The following PLCD4 variants were observed in gnomAD, a reference collection of about 807,000 sequenced individuals.
PLCD4 encodes the protein 1-phosphatidylinositol 4,5-bisphosphate phosphodiesterase delta-4.
PLCD4 carries 63 observed loss-of-function variants against 90.2 expected under a neutral mutation model. The observed-to-expected ratio is 0.70, with a 90% confidence interval of 0.57 to 0.86. The LOEUF is 0.86. PLCD4 is among the 40% of genes least tolerant of loss of function. The probability of loss-of-function intolerance (pLI) is 0.00; values close to 1 mark genes in which losing one functional copy is unlikely to be tolerated. For synonymous variants in PLCD4, 294 were observed against 356.5 expected, an observed-to-expected ratio of 0.82 and a Z score of 1.97; for missense variants, 830 against 956.3, an observed-to-expected ratio of 0.87 and a Z score of 1.74.
chr2:218,621,676 C>G (rs1185755999), intron 5 of PLCD4, 77 bp downstream of exon 5: 4 of 1,544,706 alleles, frequency 2.6e-6, no homozygotes, highest in Non-Finnish European at 3.6e-6. Flanking sequence ...TGACCCCAGT[C>G]CACAACACTC....
chr2:218,612,414 T>C (rs910396018), intron 1 of PLCD4, among the ~76,000 whole-genome samples: 1 of 152,216 alleles, frequency 6.6e-6, no homozygotes, highest in African/African-American at 2.4e-5. Context: ...TGAAATTGTT[T>C]CCTGACAGAC....
chr2:218,625,041 G>A (rs1043775966), intron 6 of PLCD4, among the ~76,000 whole-genome samples: 1 of 88,230 alleles, frequency 1.1e-5, no homozygotes, highest in Non-Finnish European at 2.4e-5. Context: ...GAACCTGGGA[G>A]GCAGAGGTTG....
chr2:218,614,906 A>C (rs1695509703), intron 1 of PLCD4, among the ~76,000 whole-genome samples: 1 of 152,218 alleles, frequency 6.6e-6, no homozygotes, highest in South Asian at 2.1e-4. Context: ...TGAAGGTAGA[A>C]GAAGACAACT....
chr2:218,636,418 C>A, intron 15 of PLCD4, 26 bp downstream of exon 15: 2 of 1,614,006 alleles, frequency 1.2e-6, no homozygotes, highest in Non-Finnish European at 8.5e-7. Flanking sequence ...TGGCCCCTGG[C>A]CAATACCCCA....
chr2:218,636,664 G>A lies in PLCD4; in HGVS notation c.*87G>A, dbSNP rs1696775968. ...GATGCTCGAGAGAACAAATGGAGGT[G>A]GTGAAAATCAAGCTTTGGATTGTGC... is the stretch of plus-strand genomic sequence containing the variant. On this transcript the variant is annotated 3_prime_UTR_variant, in exon 16 of 16. Transcript: ENST00000450993. 1 of 1,390,324 alleles carries A rather than the reference G, an allele frequency of 7.2e-7. No individual in the cohort carries two copies. Among genetic ancestry groups the A allele is most frequent in the Non-Finnish European group, 1.0e-6 (1 of 1,003,016 alleles). The allele number at this position is 1,390,324 out of a possible 1,614,324, so 86.1% of individuals were successfully genotyped here. A position where few individuals can be genotyped will look rare whatever the true frequency, so the allele number is the denominator to read the frequency against.
Position 218,621,527 on chromosome 2 carries a change from C to G in PLCD4, c.468C>G (p.Phe156Leu), listed in dbSNP as rs1200548761. Residue 156 changes from phenylalanine to leucine, a missense_variant, in exon 5 of 16, where the codon TTC (phenylalanine) becomes TTG (leucine). By Grantham distance (22) the Phe-to-Leu change is conservative. Coordinates refer to ENST00000450993, the MANE Select transcript of PLCD4 (RefSeq NM_032726.4). ...AAAATCAGGATGGTAAGATGAGTTT[C>G]CAAGAAGTTCAGCGGTTATTGCACC... Reference protein sequence around the residue: ...GDKNQDGKMSFQEVQRLLHLM... With the variant: ...GDKNQDGKMSLQEVQRLLHLM... 6.2e-7 allele frequency: 1 copy of G among 1,613,966 alleles called. No homozygotes were observed. The highest frequency in any genetic ancestry group is 2.2e-5 in the East Asian group (1 of 44,884).
chr2:218,616,075 G>A lies in PLCD4; in HGVS notation c.181+13G>A, dbSNP rs1329699918. ...GCCAAGCCCAGCTGTGAGTGACCTG[G>A]ATAGTGGGGGGTGGATACATGGGTG... On this transcript the variant is annotated intron_variant, in intron 3 of 15. Coordinates refer to ENST00000450993, the MANE Select transcript of PLCD4 (RefSeq NM_032726.4). The A allele has an allele frequency of 1.2e-6, 2 of 1,612,148 alleles. No homozygotes were observed. The highest frequency in any genetic ancestry group is 1.1e-5 in the South Asian group (1 of 90,992).
chr2:218,630,627 T>C lies in PLCD4; in HGVS notation c.1120-23T>C, dbSNP rs998976690. On this transcript the variant is annotated intron_variant, in intron 8 of 15. Coordinates refer to ENST00000450993, the MANE Select transcript of PLCD4 (RefSeq NM_032726.4). ...GCAGTGTTTTAGAACTCTGAATCCA[T>C]TGTTCCCTCCCCTCACCACCAGACA... 4.3e-6 allele frequency: 7 copies of C among 1,613,794 alleles called. No individual in the cohort carries two copies. In the African/African-American group the frequency reaches 8.0e-5, roughly 18 times the overall value.
Position 218,636,706 on chromosome 2 carries a change from T to C in PLCD4, c.*129T>C. 1 of 982,304 alleles carries C rather than the reference T, an allele frequency of 1.0e-6. No individual in the cohort carries two copies. The highest frequency in any genetic ancestry group is 1.5e-6 in the Non-Finnish European group (1 of 653,316). The allele number at this position is 982,304 out of a possible 1,614,324, so 60.8% of individuals were successfully genotyped here. ...GGATTGTGCATTCCTAGGCACAAAATTACCTCATTCTTCCTAACAAGCAAT... is the reference window on the plus strand; with the variant it reads ...GGATTGTGCATTCCTAGGCACAAAACTACCTCATTCTTCCTAACAAGCAAT... On this transcript the variant is annotated 3_prime_UTR_variant, in exon 16 of 16. Transcript: ENST00000450993.
At position 218,634,559 on chromosome 2, in the gene PLCD4, C is replaced by T. The variant is rs779560665; in HGVS notation, c.1825C>T (p.Arg609Cys). ...CGYVLKPDFL[R>C]DIQSSFHPEK... ...CTATGTGCTGAAGCCAGACTTCCTG[C>T]GTGATATCCAGAGTTCTTTCCACCC... Residue 609 changes from arginine (R) to cysteine (C), a missense_variant, in exon 13 of 16, where the codon CGT becomes TGT. Arg to Cys is a radical substitution (Grantham distance 180). Coordinates refer to ENST00000450993, the MANE Select transcript of PLCD4 (RefSeq NM_032726.4). This position sits in a 1 kb window ranked among gnomAD's most constrained non-coding sequence, Gnocchi z 4.0. 20 of 1,614,038 alleles carry T rather than the reference C, an allele frequency of 1.2e-5. No individual in the cohort carries two copies. The highest frequency in any genetic ancestry group is 1.6e-5 in the Non-Finnish European group (19 of 1,179,900).
intron 1 of PLCD4, among the ~76,000 whole-genome samples, chr2:218,608,474 G>A (rs1464179683): frequency 1.3e-5 from 2 of 152,214 alleles, no homozygotes; most frequent in Non-Finnish European, 2.9e-5. Flanking sequence ...GAGATCCCTG[G>A]TAATAGAGAG....
chr2:218,625,114 CAAA>C (rs11325307), intron 6 of PLCD4, among the ~76,000 whole-genome samples: 7 of 61,914 alleles, frequency 1.1e-4, no homozygotes, highest in Admixed American at 2.1e-4. Context: ...GACTCTGTTT[CAAA>C]AAAAAAAAAA....
chr2:218,623,898 G>A (rs1431486704), intron 6 of PLCD4, among the ~76,000 whole-genome samples: 1 of 152,092 alleles, frequency 6.6e-6, no homozygotes, highest in Non-Finnish European at 1.5e-5. Flanking sequence ...GGTCAGGCTG[G>A]TCTCGAACTC....
chr2:218,629,810 C>T, intron 8 of PLCD4, 147 bp downstream of exon 8: 2 of 832,262 alleles, frequency 2.4e-6, no homozygotes, highest in Non-Finnish European at 3.7e-6. Context: ...ATACTAAAGG[C>T]TGATTATGAA....
chr2:218,630,905 C>A, intron 9 of PLCD4, 103 bp downstream of exon 9: 6 of 1,252,074 alleles, frequency 4.8e-6, no homozygotes, highest in Non-Finnish European at 6.5e-6. Flanking sequence ...TTTCTATCCT[C>A]GGATGGACCA....
intron 7 of PLCD4, 80 bp downstream of exon 7, chr2:218,628,310 G>A (rs1252373144): frequency 7.1e-7 from 1 of 1,399,270 alleles, no homozygotes; most frequent in Non-Finnish European, 1.0e-6. Context: ...GTGTCTAACA[G>A]ATTGGGACAG....
chr2:218,615,878 C>T (rs1476664432), intron 2 of PLCD4, 26 bp from the exon 3 acceptor site: 1 of 1,612,782 alleles, frequency 6.2e-7, no homozygotes, highest in Non-Finnish European at 8.5e-7. Flanking sequence ...CTGCTGGCTA[C>T]CTAACCCCTG....
intron 1 of PLCD4, among the ~76,000 whole-genome samples, chr2:218,608,894 T>G (rs930272773): frequency 6.6e-6 from 1 of 151,852 alleles, no homozygotes; most frequent in African/African-American, 2.4e-5. Flanking sequence ...ATCCCAGCAC[T>G]TTGGGAGGCC....
chr2:218,627,154 G>A (rs1696153312), intron 6 of PLCD4, among the ~76,000 whole-genome samples: 1 of 151,336 alleles, frequency 6.6e-6, no homozygotes, highest in Non-Finnish European at 1.5e-5. Context: ...CCAGCTACTC[G>A]GGAGCCTGAG....
Sources: allele counts gnomAD v4.1 joint callset (sites outside exome capture counted in the v4.1 genomes callset), GRCh38; gene constraint gnomAD v4.1.1; non-coding constraint Gnocchi (gnomAD v3.1); transcripts MANE v1.5; gene names NCBI Gene and HGNC (gene_info 2026-07-23, HGNC 2026-07-21).